The following ASAH2 variants were observed in gnomAD, a reference collection of about 807,000 sequenced individuals.
ASAH2 encodes the protein neutral ceramidase.
In ASAH2, 58 loss-of-function variants were observed where a neutral mutation model predicts 82.9. That is an observed-to-expected ratio of 0.70 (90% confidence interval 0.57 to 0.87). ASAH2 has a LOEUF of 0.87. ASAH2 is among the 40% of genes least tolerant of loss of function. The pLI is 0.00. For missense variants in ASAH2, 779 were observed against 834.0 expected, an observed-to-expected ratio of 0.93 and a Z score of 0.81; for synonymous variants, 276 against 289.7, an observed-to-expected ratio of 0.95 and a Z score of 0.48.
At chr10:50,232,371 C>G (rs1846041598) in intron 7 of ASAH2, among the ~76,000 whole-genome samples, 1 of 152,036 alleles carries the variant, frequency 6.6e-6, no homozygotes, top group Admixed American at 6.6e-5. Flanking sequence ...CAGAACTTGT[C>G]TAAAGTCACA....
At chr10:50,199,651 A>G (rs1180166653) in intron 16 of ASAH2, among the ~76,000 whole-genome samples, 1 of 146,114 alleles carries the variant, frequency 6.8e-6, no homozygotes, top group Non-Finnish European at 1.5e-5. Context: ...AAAGTTATCA[A>G]ATCTAAAACC....
chr10:50,234,327 G>T, intron 6 of ASAH2, 98 bp downstream of exon 6: 1 of 1,523,574 alleles, frequency 6.6e-7, no homozygotes, highest in South Asian at 1.1e-5. Flanking sequence ...ACTCTCTTGG[G>T]ACCTCACCAT....
At chr10:50,201,974 G>A (rs1237223890) in intron 16 of ASAH2, among the ~76,000 whole-genome samples, 1 of 152,064 alleles carries the variant, frequency 6.6e-6, no homozygotes, top group African/African-American at 2.4e-5. Flanking sequence ...AAAATAATTT[G>A]TTTGTTTCCT....
intron 7 of ASAH2, among the ~76,000 whole-genome samples, chr10:50,231,062 G>C (rs940733019): frequency 6.6e-6 from 1 of 150,540 alleles, no homozygotes; most frequent in Non-Finnish European, 1.5e-5. Flanking sequence ...AAAAAAAAAG[G>C]TTCAAAAACT....
chr10:50,216,243 C>T (rs1258799891), intron 8 of ASAH2, among the ~76,000 whole-genome samples: 3 of 151,744 alleles, frequency 2.0e-5, no homozygotes, highest in African/African-American at 7.3e-5. Flanking sequence ...CACCATAGCA[C>T]GTGTATACCT....
At chr10:50,233,069 C>G (rs1053332000) in intron 7 of ASAH2, 115 bp downstream of exon 7, 5 of 903,036 alleles carry the variant, frequency 5.5e-6, no homozygotes, top group African/African-American at 1.6e-5. Flanking sequence ...AACCTGGACT[C>G]TTAACCACAC....
At chr10:50,235,661 G>C (rs1846140809) in intron 5 of ASAH2, among the ~76,000 whole-genome samples, 4 of 152,028 alleles carry the variant, frequency 2.6e-5, no homozygotes, top group African/African-American at 9.7e-5. Flanking sequence ...ACTACATTGG[G>C]CTTAGTCCCA....
At chr10:50,232,230 A>G (rs979261482) in intron 7 of ASAH2, among the ~76,000 whole-genome samples, 32 of 152,146 alleles carry the variant, frequency 2.1e-4, no homozygotes, top group Non-Finnish European at 4.3e-4. Flanking sequence ...TTACTTAGAT[A>G]TTTTATAATT....
chr10:50,215,069 A>G (rs542830568), intron 8 of ASAH2, among the ~76,000 whole-genome samples: 1 of 152,348 alleles, frequency 6.6e-6, no homozygotes, highest in East Asian at 1.9e-4. Flanking sequence ...TCTTTAGTTT[A>G]ATTAGATCCC....
chr10:50,233,257 A>G lies in ASAH2; in HGVS notation c.820T>C (p.Ser274Pro). 6.2e-7 allele frequency: 1 copy of G among 1,606,466 alleles called. No individual in the cohort carries two copies. Among genetic ancestry groups the G allele is most frequent in the Non-Finnish European group, 8.5e-7 (1 of 1,173,258 alleles). Residue 274 changes from serine to proline, a missense_variant, in exon 7 of 21, where the codon TCT becomes CCT. Transcript: ENST00000682911. ...ATCATTTCCTTGTCTGTATTTGAAGAATACCTAGTCAGTAAAACAGAAAAG... is the reference window on the plus strand; with the variant it reads ...ATCATTTCCTTGTCTGTATTTGAAGGATACCTAGTCAGTAAAACAGAAAAG... Reference protein sequence around the residue: ...QNPQSERARYSSNTDKEMIVL... With the variant: ...QNPQSERARYPSNTDKEMIVL...
chr10:50,205,921 C>T (rs1028091261), intron 13 of ASAH2, 61 bp downstream of exon 13: 1 of 1,249,346 alleles, frequency 8.0e-7, no homozygotes, highest in Non-Finnish European at 1.2e-6. Context: ...CATTACCTGA[C>T]AGTTCACATA....
chr10:50,195,409 TGTAGAAAAAG>T (rs1235830444), intron 18 of ASAH2, among the ~76,000 whole-genome samples: 3 of 150,134 alleles, frequency 2.0e-5, no homozygotes, highest in Non-Finnish European at 4.5e-5. Context: ...TTGATAAGAA[TGTAGAAAAAG>T]GTAACTCTTG....
chr10:50,230,820 CA>C (rs1299509767), intron 7 of ASAH2, among the ~76,000 whole-genome samples: 4 of 152,100 alleles, frequency 2.6e-5, no homozygotes, highest in Admixed American at 6.6e-5. Context: ...GGTGGAGGAT[CA>C]CTTGAGACCA....
chr10:50,237,522 A>G (rs1171799246), intron 4 of ASAH2, among the ~76,000 whole-genome samples: 4 of 152,234 alleles, frequency 2.6e-5, no homozygotes, highest in Admixed American at 2.0e-4. Context: ...AGCCTTGAAC[A>G]ACATTTATTA....
intron 9 of ASAH2, among the ~76,000 whole-genome samples, chr10:50,214,475 G>A (rs1186199436): frequency 4.6e-5 from 7 of 152,140 alleles, no homozygotes; most frequent in African/African-American, 1.7e-4. Flanking sequence ...GATTGAACAA[G>A]TTTGGGGAAG....
intron 13 of ASAH2, among the ~76,000 whole-genome samples, 154 bp from the exon 14 acceptor site, chr10:50,205,109 AT>A (rs1331607719): frequency 1.3e-5 from 2 of 152,058 alleles, no homozygotes; most frequent in Admixed American, 6.6e-5. Context: ...TAACATGAGA[AT>A]TTCAAATGCC....
intron 7 of ASAH2, among the ~76,000 whole-genome samples, chr10:50,227,429 C>T (rs1363239673): frequency 2.6e-5 from 4 of 152,134 alleles, no homozygotes; most frequent in Admixed American, 6.6e-5. Context: ...TGAGCATTCA[C>T]GTTTACAGAA....
At chr10:50,233,065 G>T in intron 7 of ASAH2, 119 bp downstream of exon 7, 1 of 862,400 alleles carries the variant, frequency 1.2e-6, no homozygotes, top group Non-Finnish European at 2.0e-6. Flanking sequence ...TCAGAACCTG[G>T]ACTCTTAACC....
chr10:50,193,552 G>A (rs1174380324), intron 18 of ASAH2, among the ~76,000 whole-genome samples: 1 of 151,602 alleles, frequency 6.6e-6, no homozygotes, highest in African/African-American at 2.4e-5. Context: ...CTCATAGAGA[G>A]TTGTGACAAG....
Sources: allele counts gnomAD v4.1 joint callset (sites outside exome capture counted in the v4.1 genomes callset), GRCh38; gene constraint gnomAD v4.1.1; transcripts MANE v1.5; gene names NCBI Gene and HGNC (gene_info 2026-07-23, HGNC 2026-07-21).